Variants in ANO10 observed in about 807,000 individuals in gnomAD.
The protein encoded by ANO10 is anoctamin 10.
A neutral mutation model predicts 74.7 loss-of-function variants in ANO10; 77 were observed. The observed-to-expected ratio is 1.03, with a 90% confidence interval of 0.86 to 1.25. The LOEUF (loss-of-function observed/expected upper bound fraction) is 1.25. Ranked by LOEUF, ANO10 falls within the 50% of genes most tolerant of loss-of-function variation. ANO10 has a pLI of 0.00. For missense variants in ANO10, 721 were observed against 778.1 expected, an observed-to-expected ratio of 0.93 and a Z score of 0.87; for synonymous variants, 279 against 284.9, an observed-to-expected ratio of 0.98 and a Z score of 0.21.
intron 4 of ANO10, among the ~76,000 whole-genome samples, chr3:43,586,184 C>T (rs2081473440): frequency 6.6e-6 from 1 of 152,132 alleles, no homozygotes; most frequent in South Asian, 2.1e-4. Flanking sequence ...CGTCTGCTCC[C>T]TGCCTGGCAC....
At position 43,605,765 on chromosome 3, in the gene ANO10, C is replaced by G. The variant is rs147605535; in HGVS notation, c.88G>C (p.Glu30Gln). Residue 30 changes from glutamate to glutamine, a missense_variant, in exon 2 of 13, where the codon GAA becomes CAA. Glu to Gln is a conservative substitution (Grantham distance 29). Coordinates refer to ENST00000292246, the MANE Select transcript of ANO10 (RefSeq NM_018075.5). The part of the protein sequence containing the change: ...VIELAQDVKE[E>Q]TKEWLKNRII... ...CTGTTTTTCAGCCATTCTTTGGTTT[C>G]TTCTTTGACATCCTGAGCAAGTTCT... The G allele has an allele frequency of 1.8e-4, 284 of 1,613,610 alleles. 1 individual carries two copies. In the African/African-American group the frequency reaches 2.7e-3, roughly 15 times the overall value.
chr3:43,456,160 C>A (rs1364957567), intron 11 of ANO10, among the ~76,000 whole-genome samples: 2 of 152,164 alleles, frequency 1.3e-5, no homozygotes, highest in African/African-American at 2.4e-5. Context: ...TCACCAACAC[C>A]TGCACAGTCA....
intron 7 of ANO10, among the ~76,000 whole-genome samples, chr3:43,567,374 A>G (rs955446454): frequency 9.9e-5 from 15 of 152,110 alleles, no homozygotes; most frequent in Non-Finnish European, 1.8e-4. Flanking sequence ...TCCAAGACAC[A>G]TAATTGTCAG....
At chr3:43,446,789 C>T (rs983250125) in intron 11 of ANO10, among the ~76,000 whole-genome samples, 1 of 151,958 alleles carries the variant, frequency 6.6e-6, no homozygotes, top group Non-Finnish European at 1.5e-5. Context: ...ACAGCAAAAG[C>T]GATTTATCCT....
intron 4 of ANO10, among the ~76,000 whole-genome samples, chr3:43,595,941 A>T (rs1184720273): frequency 6.6e-6 from 1 of 152,222 alleles, no homozygotes; most frequent in Non-Finnish European, 1.5e-5. Flanking sequence ...AATGTGCAAA[A>T]ATCACAAGCA....
chr3:43,475,459 T>C (rs996337639), intron 11 of ANO10, among the ~76,000 whole-genome samples: 9 of 152,342 alleles, frequency 5.9e-5, no homozygotes, highest in Admixed American at 5.9e-4. Flanking sequence ...CATTTCAGTG[T>C]GTACTTTAAA....
intron 1 of ANO10, among the ~76,000 whole-genome samples, chr3:43,639,722 G>C (rs773982281): frequency 9.2e-5 from 14 of 151,508 alleles, no homozygotes; most frequent in Non-Finnish European, 1.6e-4. Context: ...GTTGCAGTGA[G>C]CTGAGATCGC....
At chr3:43,537,113 G>A (rs1179933385) in intron 11 of ANO10, among the ~76,000 whole-genome samples, 13 of 151,470 alleles carry the variant, frequency 8.6e-5, no homozygotes, top group Admixed American at 2.6e-4. Flanking sequence ...AGCAATCTCC[G>A]GGACAAATTT....
intron 7 of ANO10, among the ~76,000 whole-genome samples, chr3:43,571,789 A>C (rs1481936924): frequency 6.6e-6 from 1 of 151,176 alleles, no homozygotes; most frequent in African/African-American, 2.4e-5. Flanking sequence ...TACATATGTA[A>C]CTAACCTGCA....
rs549567748 is a variant in ANO10, at chr3:43,691,167, C to T, written c.-12+350G>A. The T allele has an allele frequency of 3.5e-5, 34 of 959,528 alleles. No homozygotes were observed. In the South Asian group the frequency reaches 8.7e-4, roughly 25 times the overall value. 59.4% of individuals were successfully genotyped at this position (959,528 alleles called of 1,614,324 possible). A position where few individuals can be genotyped will look rare whatever the true frequency, so the allele number is the denominator to read the frequency against. ...GGCGACGACGGGCGGCTTCCTCGAC[C>T]CTCCCCGGCATGAGTCCGCGCGGCG... is the stretch of plus-strand genomic sequence containing the variant. On this transcript the variant is annotated intron_variant, in intron 1 of 3. Coordinates refer to the ANO10 transcript ENST00000413397.
chr3:43,414,697 A>G (rs1198001179), intron 12 of ANO10, among the ~76,000 whole-genome samples: 1 of 152,206 alleles, frequency 6.6e-6, no homozygotes, highest in Non-Finnish European at 1.5e-5. Context: ...GAAAGCACGT[A>G]ATTTTCCAAA....
chr3:43,452,609 A>C (rs927751280), intron 11 of ANO10, among the ~76,000 whole-genome samples: 3 of 152,348 alleles, frequency 2.0e-5, no homozygotes, highest in Admixed American at 2.0e-4. Flanking sequence ...TTTCCATTTG[A>C]GGCTATCACG....
chr3:43,499,975 G>T (rs891563592), intron 11 of ANO10, among the ~76,000 whole-genome samples: 1 of 151,984 alleles, frequency 6.6e-6, no homozygotes, highest in African/African-American at 2.4e-5. Flanking sequence ...GGGACTACAG[G>T]TGCATGCCAC....
At chr3:43,590,498 G>C (rs1269824790) in intron 4 of ANO10, among the ~76,000 whole-genome samples, 1 of 152,046 alleles carries the variant, frequency 6.6e-6, no homozygotes, top group Non-Finnish European at 1.5e-5. Context: ...AAATCAGGAA[G>C]ACCAGAGAAG....
chr3:43,428,088 C>T (rs2092924722), intron 12 of ANO10, among the ~76,000 whole-genome samples: 1 of 151,628 alleles, frequency 6.6e-6, no homozygotes, highest in Non-Finnish European at 1.5e-5. Flanking sequence ...CTCACTCTGT[C>T]ACTCAGCCTG....
chr3:43,373,369 G>A (rs1005625125), intron 12 of ANO10, among the ~76,000 whole-genome samples: 8 of 152,036 alleles, frequency 5.3e-5, no homozygotes, highest in African/African-American at 1.2e-4. Context: ...CAAAGACTCC[G>A]CCAAGAAAAT....
chr3:43,496,181 T>C (rs1204565999), intron 11 of ANO10, among the ~76,000 whole-genome samples: 1 of 152,180 alleles, frequency 6.6e-6, no homozygotes, highest in Non-Finnish European at 1.5e-5. Flanking sequence ...AGGGTATGTG[T>C]ATAGAAAAGT....
intron 1 of ANO10, chr3:43,689,551 G>A (rs530630350): frequency 6.6e-6 from 1 of 152,180 alleles, no homozygotes; most frequent in South Asian, 2.1e-4. Flanking sequence ...AATAAAAAAT[G>A]TATTAGTTAT....
chr3:43,396,444 T>C (rs1194677903), intron 12 of ANO10, among the ~76,000 whole-genome samples: 1 of 152,030 alleles, frequency 6.6e-6, no homozygotes, highest in African/African-American at 2.4e-5. Flanking sequence ...GTTCATGCCA[T>C]TCTCCTGCCT....
Sources: gnomAD v4.1 joint callset for allele counts (sites outside exome capture counted in the v4.1 genomes callset) on GRCh38, gnomAD v4.1.1 for gene constraint, MANE v1.5 for transcripts, NCBI Gene and HGNC (gene_info 2026-07-23, HGNC 2026-07-21) for gene names.